DICER1: variants seen among roughly 807,000 people sequenced by gnomAD.
DICER1 encodes the protein dicer 1, ribonuclease III.
In DICER1, 43 loss-of-function variants were observed where a neutral mutation model predicts 194.1. The observed-to-expected ratio is 0.22, with a 90% CI of 0.17 to 0.29. The LOEUF (loss-of-function observed/expected upper bound fraction) is 0.29, where lower values mean the gene tolerates loss of function less well. Among genes scored for constraint, DICER1 ranks in the 10% least tolerant of loss-of-function variants. The pLI is 1.00. For synonymous variants in DICER1, 832 were observed against 820.5 expected (o/e 1.01, Z -0.24); for missense variants, 1,608 against 2,317.0 (o/e 0.69, Z 6.28).
In DICER1 at chr14:95,107,781, T is replaced by C. The variant is rs1487664293; in HGVS notation, c.2651-20A>G. 2 of 1,612,800 alleles carry C rather than the reference T, an allele frequency of 1.2e-6. No homozygotes were observed. Among genetic ancestry groups the C allele is most frequent in the South Asian group, 1.1e-5 (1 of 90,998 alleles). The stretch of plus-strand genomic sequence containing the variant: ...CATTAACTTAGAAGAGAAAAACGAC[T>C]CTTTAGCTTGTTAAAACATGATACA... On this transcript the variant is annotated intron_variant, in intron 16 of 26. Transcript: ENST00000343455.
chr14:95,105,053 C>A lies in DICER1; in HGVS notation c.3269+18G>T, dbSNP rs777054748. On this transcript the variant is annotated intron_variant, in intron 20 of 26. Coordinates refer to ENST00000343455, the MANE Select transcript of DICER1 (RefSeq NM_177438.3). This position sits in a 1 kb window ranked among gnomAD's most constrained non-coding sequence, Gnocchi z 4.9. ...ATCTCATGATCTGTGTTCTTTCTGG[C>A]TGACTGCACAGGCATACCTAAAATC... is the stretch of plus-strand genomic sequence containing the variant. The A allele has an allele frequency of 6.2e-7, 1 of 1,612,450 alleles. No individual in the cohort carries two copies. The highest frequency in any genetic ancestry group is 2.2e-5 in the East Asian group (1 of 44,870).
At chr14:95,099,215 G>A (rs1014516480) in intron 22 of DICER1, among the ~76,000 whole-genome samples, 1 of 152,166 alleles carries the variant, frequency 6.6e-6, no homozygotes, top group African/African-American at 2.4e-5. Flanking sequence ...AAGACAAAAT[G>A]AAGTGGCTGT....
rs986916694 is a variant in DICER1, at chr14:95,126,653, G to A, written c.830C>T (p.Ala277Val). 5 of 1,580,036 alleles carry A rather than the reference G, an allele frequency of 3.2e-6. No homozygotes were observed. Among genetic ancestry groups the A allele is most frequent in the Admixed American group, 1.7e-5 (1 of 59,934 alleles). The stretch of plus-strand genomic sequence containing the variant: ...ATTACAATCATTGATAAAATTAAGT[G>A]CTTCTTCTAATTCCATCAGCAGTCT... ...YERLLMELEE[A>V]LNFINDCNIS... Residue 277 changes from alanine (A) to valine (V), a missense_variant, in exon 7 of 27, where the codon GCA (alanine) becomes GTA (valine). Physicochemically the swap from Ala to Val is moderately conservative, Grantham distance 64. Transcript: ENST00000343455.
rs780601204 is a variant in DICER1, at chr14:95,116,451, A to G, written c.1752+2T>C. 6.2e-7 allele frequency: 1 copy of G among 1,610,756 alleles called. No individual in the cohort carries two copies. Among genetic ancestry groups the G allele is most frequent in the South Asian group, 1.1e-5 (1 of 91,030 alleles). On this transcript the variant is annotated splice_donor_variant, in intron 10 of 26. Coordinates refer to ENST00000343455, the MANE Select transcript of DICER1 (RefSeq NM_177438.3). LOFTEE classifies it high-confidence loss of function. ...CGGCACATGTTAATATGTTGATCTTACCTTTTCAATAGCTTTGTAGGTTTT... is the reference window on the plus strand; with the variant it reads ...CGGCACATGTTAATATGTTGATCTTGCCTTTTCAATAGCTTTGTAGGTTTT...
At chr14:95,132,887 G>A (rs914035969) in intron 2 of DICER1, among the ~76,000 whole-genome samples, 2 of 152,172 alleles carry the variant, frequency 1.3e-5, no homozygotes, top group African/African-American at 2.4e-5. Context: ...GTGTAAATAC[G>A]TGTTGAAATG....
At chr14:95,151,843 G>C (rs979098393) in intron 1 of DICER1, among the ~76,000 whole-genome samples, 8 of 152,190 alleles carry the variant, frequency 5.3e-5, no homozygotes, top group African/African-American at 1.9e-4. Context: ...AGGAAAGACA[G>C]AAATCCTGCA....
chr14:95,136,561 A>G (rs1894390166), intron 1 of DICER1: 1 of 152,080 alleles, frequency 6.6e-6, no homozygotes, highest in Non-Finnish European at 1.5e-5. Context: ...CCTAGGCTCT[A>G]GTTTCTTATT....
At chr14:95,119,216 T>C (rs12892375) in intron 8 of DICER1, among the ~76,000 whole-genome samples, 64,946 of 151,990 alleles carry the variant, frequency 0.43, 15,920 homozygotes, top group African/African-American at 0.69. Flanking sequence ...TTTACTTTGC[T>C]AAAATTATAA....
rs1451403510 is a variant in DICER1 at position 95,090,514 on chromosome 14, T to C, written c.5753A>G (p.Gln1918Arg). The change falls in exon 27 of 27, where the codon CAG (glutamine) becomes CGG (arginine). Residue 1918 changes from glutamine to arginine, a missense_variant. Physicochemically the swap from Gln to Arg is conservative, Grantham distance 43 (BLOSUM62 1). This residue lies in a region of DICER1 where 138 missense variants were observed against 298.3 expected (regional missense o/e 0.46). Coordinates refer to ENST00000343455, the MANE Select transcript of DICER1 (RefSeq NM_177438.3). ...AAAGCGGTTTCAGCTATTGGGAACC[T>C]GAGGTTGATTAGCTTTGAGGCTTCG... ...ALRSLKANQP[Q>R]VPNS The C allele has an allele frequency of 6.2e-7, 1 of 1,614,014 alleles. No individual in the cohort carries two copies. The highest frequency in any genetic ancestry group is 1.7e-5 in the Admixed American group (1 of 60,024).
chr14:95,103,977 GTTC>G lies in DICER1; in HGVS notation c.3416_3418del (p.Arg1139del), dbSNP rs1566769081. 1.2e-6 allele frequency: 2 copies of G among 1,614,170 alleles called. No homozygotes were observed. Among genetic ancestry groups the G allele is most frequent in the Non-Finnish European group, 1.7e-6 (2 of 1,180,024 alleles). ...TTGGTCATGATTTTCTAGAGAGGAG[GTTC>G]TATTAGCACCTTGATGTGCAGCATT... On this transcript the variant is annotated inframe_deletion, in exon 21 of 27. Coordinates refer to ENST00000343455, the MANE Select transcript of DICER1 (RefSeq NM_177438.3).
chr14:95,102,143 AG>A (rs1329218064), intron 21 of DICER1, among the ~76,000 whole-genome samples: 1 of 152,168 alleles, frequency 6.6e-6, no homozygotes, highest in African/African-American at 2.4e-5. Context: ...TATCTTTTAG[AG>A]TAGTGCAGAG....
chr14:95,115,585 G>T, intron 11 of DICER1, 82 bp downstream of exon 11: 1 of 1,491,312 alleles, frequency 6.7e-7, no homozygotes. Flanking sequence ...ACCGCAAAAT[G>T]TCAACAATAC....
intron 8 of DICER1, among the ~76,000 whole-genome samples, chr14:95,118,199 C>CA (rs1892652770): frequency 6.6e-6 from 1 of 152,192 alleles, no homozygotes; most frequent in Admixed American, 6.5e-5. Context: ...CTAGACCATG[C>CA]ACAGCTTGAG....
intron 1 of DICER1, 149 bp downstream of exon 1, chr14:95,157,081 G>A (rs1464797521): frequency 7.9e-5 from 12 of 151,248 alleles, no homozygotes; most frequent in Admixed American, 5.3e-4. Context: ...AGGCAGGCGA[G>A]GCCGCGCCCT....
chr14:95,152,396 T>C (rs1391065924), intron 1 of DICER1, among the ~76,000 whole-genome samples: 1 of 152,240 alleles, frequency 6.6e-6, no homozygotes. Context: ...AAAACTGTGT[T>C]AGCTTCTAAA....
chr14:95,117,542 A>G, intron 9 of DICER1, 80 bp downstream of exon 9: 1 of 1,449,616 alleles, frequency 6.9e-7, no homozygotes, highest in Non-Finnish European at 9.7e-7. Context: ...GGAAACTATG[A>G]AAAAAGGGAG....
At chr14:95,130,744 C>G (rs957911655) in intron 4 of DICER1, among the ~76,000 whole-genome samples, 3 of 152,172 alleles carry the variant, frequency 2.0e-5, no homozygotes, top group Non-Finnish European at 1.5e-5. Context: ...CCAAAAGCCC[C>G]AGTACATGCT....
intron 7 of DICER1, among the ~76,000 whole-genome samples, chr14:95,125,621 A>AGGAGGAGGG (rs1245461522): frequency 3.1e-5 from 1 of 32,622 alleles, no homozygotes; most frequent in Non-Finnish European, 5.7e-5. Flanking sequence ...AGAAGGGGAG[A>AGGAGGAGGG]GGAGGAGGGG....
At chr14:95,101,784 C>T (rs1890899947) in intron 21 of DICER1, among the ~76,000 whole-genome samples, 1 of 152,170 alleles carries the variant, frequency 6.6e-6, no homozygotes, top group South Asian at 2.1e-4. Context: ...TGAGTCCCCT[C>T]ATCTGCAAAA....
Sources: allele counts gnomAD v4.1 joint callset (sites outside exome capture counted in the v4.1 genomes callset), GRCh38; gene constraint gnomAD v4.1.1; regional missense constraint gnomAD v4.1.1; non-coding constraint Gnocchi (gnomAD v3.1); transcripts MANE v1.5; gene names NCBI Gene and HGNC (gene_info 2026-07-23, HGNC 2026-07-21).